NOS1: variants seen among roughly 807,000 people sequenced by gnomAD.
The protein encoded by NOS1 is nitric oxide synthase 1.
Under a neutral mutation model 164.5 loss-of-function variants are expected in NOS1, and 51 were observed. That is an observed-to-expected ratio of 0.31 (90% confidence interval 0.25 to 0.39). NOS1 has a LOEUF of 0.39. NOS1 is among the 10% of genes least tolerant of loss of function. The pLI, the probability that NOS1 is intolerant of heterozygous loss-of-function variation, is 1.00. For synonymous variants in NOS1, 719 were observed against 745.8 expected, an observed-to-expected ratio of 0.96 and a Z score of 0.59; for missense variants, 1,362 against 1,885.6, an observed-to-expected ratio of 0.72 and a Z score of 5.14.
chr12:117,240,616 G>A (rs1323024358), intron 20 of NOS1, among the ~76,000 whole-genome samples: 1 of 152,226 alleles, frequency 6.6e-6, no homozygotes, highest in Non-Finnish European at 1.5e-5. Context: ...TTTAAAATGT[G>A]TATGATAAGA....
chr12:117,338,404 G>A (rs1157122580), intron 1 of NOS1, among the ~76,000 whole-genome samples: 2 of 147,280 alleles, frequency 1.4e-5, no homozygotes, highest in African/African-American at 5.0e-5. Flanking sequence ...CTGTTTCATA[G>A]GCGGGAACTG....
At chr12:117,235,052 G>A (rs2135944061) in intron 20 of NOS1, among the ~76,000 whole-genome samples, 1 of 151,996 alleles carries the variant, frequency 6.6e-6, no homozygotes, top group Admixed American at 6.6e-5. Context: ...CAAGTAGCTG[G>A]GACTATAGGC....
At position 117,247,464 on chromosome 12, in the gene NOS1, C is replaced by T. The variant is rs1870708781; in HGVS notation, c.2707G>A (p.Ala903Thr). The T allele has an allele frequency of 1.9e-6, 3 of 1,612,890 alleles. No homozygotes were observed. Among genetic ancestry groups the T allele is most frequent in the Non-Finnish European group, 2.5e-6 (3 of 1,179,672 alleles). The change falls in exon 18 of 29, where the codon GCT becomes ACT. Residue 903 changes from alanine (A) to threonine (T), a missense_variant. Around this residue, in one of 4 missense-constraint regions of NOS1, gnomAD observed 737 missense variants for 1,030.3 expected, o/e 0.72. Coordinates refer to ENST00000317775, the MANE Select transcript of NOS1 (RefSeq NM_000620.5). ...AGTTCTTCCAGGAGGGTGTCCACAG[C>T]GTGTCCGAAGGCGCAAAAGTGAGGG... ...AYPHFCAFGH[A>T]VDTLLEELGG... is the part of the protein sequence containing the mutation.
At chr12:117,336,203 C>T (rs1247063558) in intron 1 of NOS1, among the ~76,000 whole-genome samples, 1 of 152,158 alleles carries the variant, frequency 6.6e-6, no homozygotes, top group Non-Finnish European at 1.5e-5. Context: ...ATTTGATTGC[C>T]CCATTTTATA....
chr12:117,239,285 T>C (rs1869975816), intron 20 of NOS1, among the ~76,000 whole-genome samples: 1 of 152,244 alleles, frequency 6.6e-6, no homozygotes, highest in African/African-American at 2.4e-5. Context: ...TCTGCTGTTC[T>C]TTCTTTCTGG....
At chr12:117,263,170 A>G (rs1872081540) in intron 13 of NOS1, among the ~76,000 whole-genome samples, 1 of 151,262 alleles carries the variant, frequency 6.6e-6, no homozygotes, top group Admixed American at 6.6e-5. Flanking sequence ...CTGGCACAGA[A>G]TCTGAGTAGC....
Position 117,272,508 on chromosome 12 carries a change from C to A in NOS1, c.1716G>T (p.Val572=). Residue 572 remains valine (V), a synonymous_variant, in exon 10 of 29, where the codon GTG becomes GTT. Coordinates refer to ENST00000317775, the MANE Select transcript of NOS1 (RefSeq NM_000620.5). The surrounding 1 kb of genome is among the most constrained non-coding windows in gnomAD (Gnocchi z 4.3). ...CGCCAATCTCTAGGAGCATGTTGGA[C>A]ACGGCGGGGAGGCCGTACCACTTCA... ...LGLKWYGLPA[V]SNMLLEIGGL... is the part of the protein sequence containing the mutation. 6.2e-7 allele frequency: 1 copy of A among 1,614,208 alleles called. No individual in the cohort carries two copies. Among genetic ancestry groups the A allele is most frequent in the Non-Finnish European group, 8.5e-7 (1 of 1,180,034 alleles).
chr12:117,308,794 A>C (rs1298954559), intron 3 of NOS1, among the ~76,000 whole-genome samples: 1 of 151,948 alleles, frequency 6.6e-6, no homozygotes. Flanking sequence ...ACGGAGTTTC[A>C]CCATGTTGGT....
In NOS1 at chr12:117,214,629, A is replaced by G; in HGVS notation, c.*680T>C. On this transcript the variant is annotated 3_prime_UTR_variant, in exon 29 of 29. Coordinates refer to ENST00000317775, the MANE Select transcript of NOS1 (RefSeq NM_000620.5). ...TAATCAATTTCCCACTCCTCTCCCC[A>G]TGCCCTGAACCCTTTCTAACTAGAA... 1.0e-6 allele frequency: 1 copy of G among 985,386 alleles called. No individual in the cohort carries two copies. The highest frequency in any genetic ancestry group is 1.2e-6 in the Non-Finnish European group (1 of 829,936). 61.0% of individuals were successfully genotyped at this position (985,386 alleles called of 1,614,324 possible).
chr12:117,216,102 A>G (rs1348880353), intron 28 of NOS1, among the ~76,000 whole-genome samples: 1 of 150,530 alleles, frequency 6.6e-6, no homozygotes, highest in African/African-American at 2.4e-5. Context: ...GGTCTTGAAC[A>G]CCTAGGCTCA....
rs1419982835 is a variant in NOS1 at position 117,209,745 on chromosome 12, T to C, written c.*5564A>G. The C allele has an allele frequency of 1.0e-6, 1 of 985,414 alleles. No homozygotes were observed. Among genetic ancestry groups the C allele is most frequent in the African/African-American group, 1.7e-5 (1 of 57,260 alleles). 61.0% of individuals were successfully genotyped at this position (985,414 alleles called of 1,614,324 possible). On this transcript the variant is annotated 3_prime_UTR_variant, in exon 29 of 29. Transcript: ENST00000317775. ...CACGGGTGAAAGTGTACCTGGGTCC[T>C]TACATTTGGGGAAGGGCAGCTTTTC... is the stretch of plus-strand genomic sequence containing the variant.
At position 117,286,205 on chromosome 12, in the gene NOS1, T is replaced by C. The variant is rs1592989536; in HGVS notation, c.1189A>G (p.Ser397Gly). ...EEVNKEIDTTSTYQLKDTELI... is the reference protein window; with the variant it reads ...EEVNKEIDTTGTYQLKDTELI... Reference sequence around the variant, plus strand: ...TCTGTGTCCTTGAGCTGGTAAGTGCTAGTGGTGTCGATCTCTTTGTTCACC... The same window carrying C: ...TCTGTGTCCTTGAGCTGGTAAGTGCCAGTGGTGTCGATCTCTTTGTTCACC... Residue 397 changes from serine to glycine, a missense_variant, in exon 6 of 29, where the codon AGC becomes GGC. Transcript: ENST00000317775. 6.2e-7 allele frequency: 1 copy of C among 1,614,202 alleles called. No individual in the cohort carries two copies. Among genetic ancestry groups the C allele is most frequent in the East Asian group, 2.2e-5 (1 of 44,878 alleles).
chr12:117,265,295 G>A, intron 12 of NOS1, 21 bp downstream of exon 12: 1 of 1,511,454 alleles, frequency 6.6e-7, no homozygotes, highest in Non-Finnish European at 8.9e-7. Context: ...AATATGAAAA[G>A]AGGCAGGGAC....
intron 11 of NOS1, among the ~76,000 whole-genome samples, chr12:117,267,315 C>A (rs766038369): frequency 6.6e-6 from 1 of 152,148 alleles, no homozygotes; most frequent in Non-Finnish European, 1.5e-5. Flanking sequence ...GGTGGCCAGG[C>A]GTGATTCACG....
At chr12:117,279,882 G>A (rs1231879069) in intron 8 of NOS1, among the ~76,000 whole-genome samples, 1 of 152,218 alleles carries the variant, frequency 6.6e-6, no homozygotes, top group Non-Finnish European at 1.5e-5. Context: ...TGCAAATGAA[G>A]TCGGCAGCCA....
chr12:117,280,949 G>A (rs1391844008), intron 7 of NOS1, 83 bp from the exon 8 acceptor site: 46 of 1,497,674 alleles, frequency 3.1e-5, no homozygotes, highest in African/African-American at 5.5e-5. Flanking sequence ...CACCCAGGGC[G>A]ACAGCTGCTT....
chr12:117,274,598 G>A (rs1011777235), intron 9 of NOS1, among the ~76,000 whole-genome samples: 11 of 151,784 alleles, frequency 7.2e-5, no homozygotes, highest in South Asian at 2.1e-4. Context: ...GTGAAACCCC[G>A]TCTCTACTAA....
At chr12:117,280,981 C>G (rs1873603319) in intron 7 of NOS1, 115 bp from the exon 8 acceptor site, 1 of 1,213,758 alleles carries the variant, frequency 8.2e-7, no homozygotes, top group Admixed American at 2.4e-5. Flanking sequence ...TAGATTACCT[C>G]CGTGCCAAGG....
chr12:117,258,324 C>T (rs924927229), intron 16 of NOS1, 73 bp downstream of exon 16: 3 of 1,465,332 alleles, frequency 2.0e-6, no homozygotes, highest in Admixed American at 3.5e-5. Flanking sequence ...CAAATGTGAA[C>T]CCCAGGTGCC....
Sources: gnomAD v4.1 joint callset for allele counts (sites outside exome capture counted in the v4.1 genomes callset) on GRCh38, gnomAD v4.1.1 for gene constraint, gnomAD v4.1.1 regional missense constraint, Gnocchi (gnomAD v3.1) non-coding constraint, MANE v1.5 for transcripts, NCBI Gene and HGNC (gene_info 2026-07-23, HGNC 2026-07-21) for gene names.